RBFOX1: variants seen among roughly 807,000 people sequenced by gnomAD.
The protein encoded by RBFOX1 is RNA binding protein fox-1 homolog 1.
A neutral mutation model predicts 57.7 loss-of-function variants in RBFOX1; 8 were observed. The ratio of observed to expected loss-of-function variants is 0.14; its 90% confidence interval spans 0.08 to 0.25. The LOEUF is 0.25. Among genes scored for constraint, RBFOX1 ranks in the 10% least tolerant of loss-of-function variants. RBFOX1 has a pLI of 1.00. For missense variants in RBFOX1, 611 were observed against 548.5 expected, an observed-to-expected ratio of 1.11 and a Z score of -1.14; for synonymous variants, 326 against 222.4, an observed-to-expected ratio of 1.47 and a Z score of -4.15.
chr16:5,965,940 A>G (rs2059834662), intron 4 of RBFOX1, among the ~76,000 whole-genome samples: 1 of 152,080 alleles, frequency 6.6e-6, no homozygotes, highest in Admixed American at 6.6e-5. Flanking sequence ...GAAGATCTGG[A>G]TGTTATCCAC....
At chr16:5,617,392 C>T (rs1011489) in intron 3 of RBFOX1, among the ~76,000 whole-genome samples, 72,886 of 152,022 alleles carry the variant, frequency 0.48, 21,780 homozygotes, top group Non-Finnish European at 0.67. Flanking sequence ...GTTCCCATCC[C>T]GGGTGCTCAG....
chr16:7,183,720 C>G (rs192152097), intron 4 of RBFOX1, among the ~76,000 whole-genome samples: 2 of 152,148 alleles, frequency 1.3e-5, no homozygotes, highest in African/African-American at 4.8e-5. Context: ...TGAACACAAG[C>G]TAGTTCTTAG....
chr16:5,613,516 G>C (rs1399488871), intron 3 of RBFOX1, among the ~76,000 whole-genome samples: 2 of 152,196 alleles, frequency 1.3e-5, no homozygotes, highest in African/African-American at 4.8e-5. Flanking sequence ...ACTGAGGGCA[G>C]AGGGGAATGA....
At chr16:6,802,403 G>T (rs150289612) in intron 3 of RBFOX1, among the ~76,000 whole-genome samples, 2 of 152,062 alleles carry the variant, frequency 1.3e-5, no homozygotes, top group Non-Finnish European at 2.9e-5. Context: ...ATGGCCTGGC[G>T]CAGTGGCTCA....
intron 4 of RBFOX1, among the ~76,000 whole-genome samples, chr16:7,111,746 T>C (rs931451699): frequency 2.9e-5 from 4 of 139,360 alleles, no homozygotes; most frequent in Non-Finnish European, 6.0e-5. Context: ...ATTCTGATTG[T>C]TATTTTGTAC....
chr16:6,123,146 C>G (rs987097568), intron 1 of RBFOX1, among the ~76,000 whole-genome samples: 1 of 152,094 alleles, frequency 6.6e-6, no homozygotes, highest in Non-Finnish European at 1.5e-5. Context: ...CATTTCCATT[C>G]CTATGAATAC....
chr16:5,525,977 G>C (rs1196578123), intron 2 of RBFOX1, among the ~76,000 whole-genome samples: 4 of 152,082 alleles, frequency 2.6e-5, no homozygotes, highest in Admixed American at 6.5e-5. Flanking sequence ...TTCAGGGAGA[G>C]GGGAGCTGGT....
At chr16:6,215,581 T>C (rs569156333) in intron 1 of RBFOX1, among the ~76,000 whole-genome samples, 36 of 152,242 alleles carry the variant, frequency 2.4e-4, no homozygotes, top group Non-Finnish European at 4.7e-4. Context: ...AAACACACCA[T>C]TGAGAACATT....
chr16:5,922,131 A>G (rs984947140), intron 4 of RBFOX1, among the ~76,000 whole-genome samples: 1 of 152,156 alleles, frequency 6.6e-6, no homozygotes, highest in Non-Finnish European at 1.5e-5. Flanking sequence ...ACTGCATTCC[A>G]GCCTAGGCAA....
At chr16:5,484,404 C>G (rs1007224852) in intron 2 of RBFOX1, among the ~76,000 whole-genome samples, 4 of 152,198 alleles carry the variant, frequency 2.6e-5, no homozygotes, top group Non-Finnish European at 4.4e-5. Context: ...AGAGGGCACC[C>G]AAGTCAGAAG....
At chr16:7,525,291 T>G (rs192411234) in intron 5 of RBFOX1, among the ~76,000 whole-genome samples, 3 of 151,082 alleles carry the variant, frequency 2.0e-5, no homozygotes, top group East Asian at 1.9e-4. Flanking sequence ...AGTCATTATT[T>G]TGTGTGTGTG....
intron 4 of RBFOX1, among the ~76,000 whole-genome samples, chr16:7,200,483 G>A (rs913931034): frequency 6.6e-6 from 1 of 152,172 alleles, no homozygotes; most frequent in Admixed American, 6.5e-5. Context: ...CACTGCAGTA[G>A]GCACTAAGGA....
At chr16:7,516,164 G>C (rs2076310004) in intron 4 of RBFOX1, among the ~76,000 whole-genome samples, 1 of 152,124 alleles carries the variant, frequency 6.6e-6, no homozygotes, top group Non-Finnish European at 1.5e-5. Context: ...GTTCTTGGCA[G>C]CTCCAGGCTT....
intron 1 of RBFOX1, among the ~76,000 whole-genome samples, chr16:6,315,343 C>T (rs796093436): frequency 6.9e-4 from 97 of 140,902 alleles, no homozygotes; most frequent in African/African-American, 2.2e-3. Flanking sequence ...GATGGGTGGA[C>T]GGATGGATGA....
rs571608387 is a variant in RBFOX1, at chr16:6,005,098, A to C, written c.351+137763A>C. Among the ~76,000 whole-genome samples the C allele has an allele frequency of 5.9e-5, 9 of 152,368 alleles. No individual in the cohort carries two copies. In the South Asian group the frequency reaches 1.5e-3, roughly 25 times the overall value. ...CTGTCTTTAGAAATTATAAAAAGCC[A>C]AGAGTCCATTTCTTAATACCAGGAG... On this transcript the variant is annotated intron_variant, in intron 4 of 19. Transcript: ENST00000641259.
rs905929407 is a variant in RBFOX1, at chr16:7,710,977, G to C, written c.*232G>C. The C allele has an allele frequency of 8.4e-5, 40 of 476,094 alleles. 3 individuals are homozygous for C. The South Asian group carries it at 2.3e-3, about 27-fold the overall frequency. 29.5% of individuals were successfully genotyped at this position (476,094 alleles called of 1,614,324 possible). On this transcript the variant is annotated 3_prime_UTR_variant, in exon 16 of 16. Transcript: ENST00000550418. ...AGGTTCCGTAGTTTGGTTGCTGGCT[G>C]TAGGAGTTTTTGTGGTTGATCTAGA...
intron 4 of RBFOX1, among the ~76,000 whole-genome samples, chr16:7,239,179 C>T (rs1020278549): frequency 5.3e-5 from 8 of 152,084 alleles, no homozygotes; most frequent in Non-Finnish European, 7.3e-5. Flanking sequence ...GATGAGGCTA[C>T]TTCTACCATT....
intron 1 of RBFOX1, among the ~76,000 whole-genome samples, chr16:6,162,228 C>T (rs116621791): frequency 0.012 from 1,842 of 152,240 alleles, 38 homozygotes; most frequent in African/African-American, 0.042. Context: ...AGCAATTCAC[C>T]TGTGTCAGCC....
chr16:5,616,994 C>G (rs74327685), intron 3 of RBFOX1, among the ~76,000 whole-genome samples: 13 of 151,738 alleles, frequency 8.6e-5, no homozygotes, highest in East Asian at 7.9e-4. Flanking sequence ...TGAAACTGGC[C>G]GGAGGGCAGT....
Sources: gnomAD v4.1 joint callset for allele counts (sites outside exome capture counted in the v4.1 genomes callset) on GRCh38, gnomAD v4.1.1 for gene constraint, MANE v1.5 for transcripts, NCBI Gene and HGNC (gene_info 2026-07-23, HGNC 2026-07-21) for gene names.